Variants in INPP4B observed in about 807,000 individuals in gnomAD.
The protein encoded by INPP4B is inositol polyphosphate 4-phosphatase type II.
INPP4B carries 55 observed loss-of-function variants against 122.5 expected under a neutral mutation model. That is an observed-to-expected ratio of 0.45 (90% CI 0.36 to 0.56). The LOEUF (loss-of-function observed/expected upper bound fraction) is 0.56. Among genes scored for constraint, INPP4B ranks in the 20% least tolerant of loss-of-function variants. The pLI, the probability that INPP4B is intolerant of heterozygous loss-of-function variation, is 0.00. For missense variants in INPP4B, 1,000 were observed against 1,097.7 expected (o/e 0.91, Z 1.26); for synonymous variants, 403 against 388.7 (o/e 1.04, Z -0.43).
chr4:142,214,501 A>C (rs1846213173), intron 12 of INPP4B, among the ~76,000 whole-genome samples: 1 of 152,198 alleles, frequency 6.6e-6, no homozygotes, highest in African/African-American at 2.4e-5. Context: ...GTTAAGCACT[A>C]GACAAAAGGT....
intron 12 of INPP4B, among the ~76,000 whole-genome samples, chr4:142,220,649 G>A (rs1432211784): frequency 6.6e-6 from 1 of 152,172 alleles, no homozygotes; most frequent in Non-Finnish European, 1.5e-5. Context: ...TTTGGAGCCT[G>A]TTTTAGTTTG....
chr4:142,720,757 T>A (rs1378171442), intron 2 of INPP4B, among the ~76,000 whole-genome samples: 2 of 77,400 alleles, frequency 2.6e-5, no homozygotes, highest in East Asian at 4.4e-4. Flanking sequence ...TACATATATA[T>A]ATAATCTCTC....
chr4:142,221,514 A>G (rs1849387259), intron 12 of INPP4B, among the ~76,000 whole-genome samples: 1 of 152,050 alleles, frequency 6.6e-6, no homozygotes, highest in Non-Finnish European at 1.5e-5. Context: ...ACAAACACCA[A>G]ATTTCTATCT....
intron 25 of INPP4B, among the ~76,000 whole-genome samples, chr4:142,074,240 G>T (rs1294142668): frequency 6.6e-6 from 1 of 152,126 alleles, no homozygotes; most frequent in Non-Finnish European, 1.5e-5. Flanking sequence ...TTGCAATTAT[G>T]TGCAAAACTC....
intron 2 of INPP4B, among the ~76,000 whole-genome samples, chr4:142,660,269 A>C (rs1445518676): frequency 6.6e-6 from 1 of 152,096 alleles, no homozygotes; most frequent in Non-Finnish European, 1.5e-5. Flanking sequence ...GCAAGGATGG[A>C]AGAGGGAAAG....
Position 142,449,223 on chromosome 4 carries a change from C to T in INPP4B, c.-127+13440G>A, listed in dbSNP as rs368411366. Among the ~76,000 whole-genome samples, 15 of 152,256 alleles carry T rather than the reference C, an allele frequency of 9.9e-5. No homozygotes were observed. In the East Asian group the frequency reaches 2.1e-3, roughly 22 times the overall value. ...CTAGTTAGTGATGTTCTCCTCTTTA[C>T]CGCGAGGAAGCAACACTGACAGCAA... On this transcript the variant is annotated intron_variant, in intron 3 of 25. Transcript: ENST00000262992.
At chr4:142,737,016 C>G (rs1477616973) in intron 1 of INPP4B, among the ~76,000 whole-genome samples, 1 of 152,116 alleles carries the variant, frequency 6.6e-6, no homozygotes, top group Non-Finnish European at 1.5e-5. Context: ...GAATCAATAT[C>G]ATGAAAATGG....
chr4:142,648,900 G>T (rs1412474268), intron 2 of INPP4B, among the ~76,000 whole-genome samples: 1 of 152,208 alleles, frequency 6.6e-6, no homozygotes, highest in Admixed American at 6.5e-5. Context: ...CCTCAAGTGG[G>T]TTCCTGACAC....
intron 1 of INPP4B, among the ~76,000 whole-genome samples, chr4:142,840,405 A>G (rs980144198): frequency 3.3e-5 from 5 of 152,162 alleles, no homozygotes; most frequent in African/African-American, 7.2e-5. Flanking sequence ...GTTTTTTTCT[A>G]TCATGTTCAT....
chr4:142,193,108 C>G lies in INPP4B; in HGVS notation c.1160G>C (p.Arg387Thr), dbSNP rs866217456. Residue 387 changes from arginine (R) to threonine (T), a missense_variant, in exon 15 of 26, where the codon AGA (arginine) becomes ACA (threonine). Arg to Thr is a moderately conservative substitution (Grantham distance 71). Coordinates refer to ENST00000262992, the MANE Select transcript of INPP4B (RefSeq NM_001101669.3). ...KNGGLRKLLH[R>T]FETERRNTGY... is the part of the protein sequence containing the mutation. ...TTACTTTCTTCTTTCTGTTTCAAAT[C>G]TATGGAGTAGCTTCCGAAGACCACC... The G allele has an allele frequency of 6.2e-7, 1 of 1,609,072 alleles. No individual in the cohort carries two copies. The highest frequency in any genetic ancestry group is 8.5e-7 in the Non-Finnish European group (1 of 1,175,590).
At chr4:142,369,628 AT>A (rs1349891428) in intron 7 of INPP4B, among the ~76,000 whole-genome samples, 1 of 150,244 alleles carries the variant, frequency 6.7e-6, no homozygotes, top group Admixed American at 6.6e-5. Context: ...AAATAAAAAA[AT>A]AAAAAAAATA....
At chr4:142,747,674 T>C (rs1768967951) in intron 1 of INPP4B, among the ~76,000 whole-genome samples, 1 of 152,168 alleles carries the variant, frequency 6.6e-6, no homozygotes, top group Non-Finnish European at 1.5e-5. Flanking sequence ...ATATACAGCA[T>C]GGAATACTAT....
At chr4:142,619,664 G>T (rs947183145) in intron 2 of INPP4B, among the ~76,000 whole-genome samples, 2 of 151,930 alleles carry the variant, frequency 1.3e-5, no homozygotes, top group African/African-American at 2.4e-5. Context: ...GTTATGCAAG[G>T]TTATTAAGTT....
intron 2 of INPP4B, among the ~76,000 whole-genome samples, chr4:142,504,082 G>C (rs1261333338): frequency 1.3e-5 from 2 of 151,918 alleles, no homozygotes; most frequent in Admixed American, 6.6e-5. Flanking sequence ...TATTTTCTGA[G>C]GCAAACAAGT....
intron 11 of INPP4B, among the ~76,000 whole-genome samples, chr4:142,253,762 G>A (rs894134219): frequency 6.6e-6 from 1 of 152,226 alleles, no homozygotes; most frequent in Non-Finnish European, 1.5e-5. Context: ...CTGCAAGGTG[G>A]CAGTGAGGCT....
intron 2 of INPP4B, among the ~76,000 whole-genome samples, chr4:142,712,362 C>A (rs1306901699): frequency 6.6e-6 from 1 of 152,132 alleles, no homozygotes; most frequent in Non-Finnish European, 1.5e-5. Context: ...ACATCTGAAT[C>A]CTACCCTTAA....
At chr4:142,544,315 T>C (rs1829302148) in intron 2 of INPP4B, among the ~76,000 whole-genome samples, 1 of 151,954 alleles carries the variant, frequency 6.6e-6, no homozygotes, top group African/African-American at 2.4e-5. Flanking sequence ...TGTTTGATTG[T>C]GGATAAGATG....
intron 7 of INPP4B, among the ~76,000 whole-genome samples, chr4:142,398,409 T>A (rs1466429709): frequency 0.11 from 1,290 of 11,270 alleles, 15 homozygotes; most frequent in East Asian, 0.21. Context: ...AAAATATATA[T>A]ATATATATAT....
At chr4:142,206,516 G>T (rs571560668) in intron 14 of INPP4B, among the ~76,000 whole-genome samples, 1 of 152,012 alleles carries the variant, frequency 6.6e-6, no homozygotes, top group African/African-American at 2.4e-5. Context: ...ATATATATAT[G>T]ATTGGTATGC....
Sources: allele counts gnomAD v4.1 joint callset (sites outside exome capture counted in the v4.1 genomes callset), GRCh38; gene constraint gnomAD v4.1.1; transcripts MANE v1.5; gene names NCBI Gene and HGNC (gene_info 2026-07-23, HGNC 2026-07-21).